The following AFAP1L1 variants were observed in gnomAD, a reference collection of about 807,000 sequenced individuals.
AFAP1L1 encodes actin filament associated protein 1 like 1.
AFAP1L1 carries 77 observed loss-of-function variants against 99.8 expected under a neutral mutation model. The observed-to-expected ratio is 0.77, with a 90% CI of 0.64 to 0.93. The LOEUF is 0.93. Among genes scored for constraint, AFAP1L1 ranks in the 40% least tolerant of loss-of-function variants. The pLI is 0.00. For missense variants in AFAP1L1, 893 were observed against 996.8 expected (o/e 0.90, Z 1.40); for synonymous variants, 373 against 395.3 (o/e 0.94, Z 0.67).
chr5:149,311,279 G>A (rs1170544285), intron 8 of AFAP1L1, among the ~76,000 whole-genome samples: 1 of 152,210 alleles, frequency 6.6e-6, no homozygotes, highest in South Asian at 2.1e-4. Context: ...GAACCTGCCT[G>A]TTGGGGGAGC....
chr5:149,292,256 C>A (rs1755882580), intron 1 of AFAP1L1, among the ~76,000 whole-genome samples: 1 of 152,200 alleles, frequency 6.6e-6, no homozygotes. Context: ...AACTCATTAT[C>A]TTTGCGATCT....
chr5:149,282,017 A>G (rs1755533834), intron 1 of AFAP1L1, among the ~76,000 whole-genome samples: 1 of 152,040 alleles, frequency 6.6e-6, no homozygotes, highest in Non-Finnish European at 1.5e-5. Flanking sequence ...ATTATCCCGG[A>G]ATTAACAAAG....
Position 149,342,570 on chromosome 5 carries a change from T to C in AFAP1L1, c.*2540T>C, listed in dbSNP as rs528792282. 6.6e-6 allele frequency among the ~76,000 whole-genome samples: 1 copy of C among 152,360 alleles called. No homozygotes were observed. Among genetic ancestry groups the C allele is most frequent in the East Asian group, 1.9e-4 (1 of 5,188 alleles). ...GAACGTTAGGCAGCTAGGAGAAATG[T>C]AAGCAAAATGGCTAAGGCACAGATG... is the stretch of plus-strand genomic sequence containing the variant. On this transcript the variant is annotated 3_prime_UTR_variant, in exon 19 of 19. Coordinates refer to ENST00000296721, the MANE Select transcript of AFAP1L1 (RefSeq NM_152406.4).
rs756145835 is a variant in AFAP1L1 at position 149,335,640 on chromosome 5, C to T, written c.2201C>T (p.Pro734Leu). The change falls in exon 18 of 19, where the codon CCT (proline) becomes CTT (leucine). Residue 734 changes from proline to leucine, a missense_variant. Coordinates refer to ENST00000296721, the MANE Select transcript of AFAP1L1 (RefSeq NM_152406.4). ...PQNSVPEQPL[P>L]VNCVSELRKR... is the part of the protein sequence containing the mutation. ...AACAGCGTTCCAGAGCAACCTCTCCCTGTCAACTGTGTTTCTGAGCTGAGG... is the reference window on the plus strand; with the variant it reads ...AACAGCGTTCCAGAGCAACCTCTCCTTGTCAACTGTGTTTCTGAGCTGAGG... The T allele has an allele frequency of 1.9e-6, 3 of 1,613,172 alleles. No homozygotes were observed. In the African/African-American group the frequency reaches 4.0e-5, roughly 22 times the overall value.
chr5:149,288,541 C>T (rs1233362639), intron 1 of AFAP1L1, among the ~76,000 whole-genome samples: 4 of 152,166 alleles, frequency 2.6e-5, no homozygotes, highest in African/African-American at 4.8e-5. Context: ...GTGAAGGAGG[C>T]GGTGCAGGAC....
chr5:149,273,616 A>G (rs1223222918), intron 1 of AFAP1L1, among the ~76,000 whole-genome samples: 1 of 152,142 alleles, frequency 6.6e-6, no homozygotes, highest in Non-Finnish European at 1.5e-5. Flanking sequence ...TTTGTAAAGC[A>G]GTTCTCACCT....
At chr5:149,339,909 G>A in intron 18 of AFAP1L1, 98 bp from the exon 19 acceptor site, 2 of 1,378,096 alleles carry the variant, frequency 1.5e-6, no homozygotes, top group Non-Finnish European at 2.0e-6. Context: ...AACCTGGCTA[G>A]TGGAGATCTT....
intron 1 of AFAP1L1, among the ~76,000 whole-genome samples, chr5:149,289,509 T>TC (rs1207400717): frequency 6.6e-6 from 1 of 152,108 alleles, no homozygotes; most frequent in East Asian, 1.9e-4. Context: ...ACAGTGGGCT[T>TC]CCCTATCCAA....
At chr5:149,315,446 C>G (rs748839075) in intron 9 of AFAP1L1, among the ~76,000 whole-genome samples, 3 of 152,186 alleles carry the variant, frequency 2.0e-5, no homozygotes, top group Non-Finnish European at 4.4e-5. Flanking sequence ...CTGCTTTTGT[C>G]TGTCCCCACA....
intron 14 of AFAP1L1, 103 bp from the exon 15 acceptor site, chr5:149,322,503 C>G (rs115766016): frequency 1.4e-6 from 1 of 739,028 alleles, no homozygotes; most frequent in Non-Finnish European, 2.1e-6. Context: ...AGACCAAGAT[C>G]TCAGAGCAAG....
At chr5:149,308,228 A>G (rs549971913) in intron 7 of AFAP1L1, among the ~76,000 whole-genome samples, 1 of 152,316 alleles carries the variant, frequency 6.6e-6, no homozygotes, top group South Asian at 2.1e-4. Flanking sequence ...ATCACTTTTA[A>G]ATTTTTGTTG....
rs754464325 is a variant in AFAP1L1, at chr5:149,316,243, A to C, written c.1207A>C (p.Lys403Gln). The C allele has an allele frequency of 8.1e-6, 13 of 1,613,962 alleles. No homozygotes were observed. The South Asian group carries it at 1.1e-4, about 14-fold the overall frequency. Residue 403 changes from lysine to glutamine, a missense_variant, in exon 11 of 19, where the codon AAG (lysine) becomes CAG (glutamine). Coordinates refer to ENST00000296721, the MANE Select transcript of AFAP1L1 (RefSeq NM_152406.4). ...KITRIIGFSK[K>Q]KTLADDLQTS... Reference sequence around the variant, plus strand: ...CACCCGTATCATTGGCTTCTCCAAGAAGAAGACACTGGCCGATGACCTGCA... The same window carrying C: ...CACCCGTATCATTGGCTTCTCCAAGCAGAAGACACTGGCCGATGACCTGCA...
intron 15 of AFAP1L1, among the ~76,000 whole-genome samples, chr5:149,328,021 A>G (rs2127602561): frequency 6.6e-6 from 1 of 152,354 alleles, no homozygotes; most frequent in Middle Eastern, 3.4e-3. Context: ...TACCAAAGAC[A>G]AGGAAAAAAT....
chr5:149,331,166 G>A lies in AFAP1L1; in HGVS notation c.1975+1336G>A, dbSNP rs192693598. Among the ~76,000 whole-genome samples the A allele has an allele frequency of 3.2e-4, 48 of 152,216 alleles. 1 individual carries two copies. The highest frequency in any genetic ancestry group is 2.7e-3 in the Admixed American group (42 of 15,294). ...AAATCAAAAAAGTGGGCTGGGTGCCGTGGTTCATGCCTGTAATCCTGGCAC... is the reference window on the plus strand; with the variant it reads ...AAATCAAAAAAGTGGGCTGGGTGCCATGGTTCATGCCTGTAATCCTGGCAC... On this transcript the variant is annotated intron_variant, in intron 16 of 18. Transcript: ENST00000296721.
intron 4 of AFAP1L1, among the ~76,000 whole-genome samples, chr5:149,301,886 C>A (rs766682036): frequency 6.6e-6 from 1 of 152,256 alleles, no homozygotes; most frequent in Non-Finnish European, 1.5e-5. Flanking sequence ...GAGGCTGGCA[C>A]AATTGTTATC....
At chr5:149,313,602 G>A (rs951246316) in intron 9 of AFAP1L1, among the ~76,000 whole-genome samples, 6 of 152,182 alleles carry the variant, frequency 3.9e-5, no homozygotes, top group African/African-American at 7.2e-5. Flanking sequence ...ACACATATCC[G>A]GGGCACCCCA....
chr5:149,303,928 C>T (rs1756316599), intron 5 of AFAP1L1, among the ~76,000 whole-genome samples: 1 of 152,152 alleles, frequency 6.6e-6, no homozygotes, highest in South Asian at 2.1e-4. Flanking sequence ...GCATTTAGTA[C>T]ATTCAGTACA....
chr5:149,302,851 G>C (rs953018687), intron 5 of AFAP1L1, among the ~76,000 whole-genome samples: 2 of 152,152 alleles, frequency 1.3e-5, no homozygotes, highest in African/African-American at 2.4e-5. Flanking sequence ...CAGTGTGCTA[G>C]GAGGCAGCTA....
At chr5:149,335,417 G>A (rs987922016) in intron 17 of AFAP1L1, among the ~76,000 whole-genome samples, 177 bp from the exon 18 acceptor site, 2 of 152,214 alleles carry the variant, frequency 1.3e-5, no homozygotes, top group Non-Finnish European at 2.9e-5. Context: ...GAACCCAGGA[G>A]GCAGAGGTTG....
Sources: allele counts gnomAD v4.1 joint callset (sites outside exome capture counted in the v4.1 genomes callset), GRCh38; gene constraint gnomAD v4.1.1; transcripts MANE v1.5; gene names NCBI Gene and HGNC (gene_info 2026-07-23, HGNC 2026-07-21).